The following AKT3 variants were observed in gnomAD, a reference collection of about 807,000 sequenced individuals.
The protein encoded by AKT3 is RAC-gamma serine/threonine-protein kinase.
A neutral mutation model predicts 65.3 loss-of-function variants in AKT3; 15 were observed. That is an observed-to-expected ratio of 0.23 (90% confidence interval 0.15 to 0.35). AKT3 has a LOEUF of 0.35. AKT3 is among the 10% of genes least tolerant of loss of function. AKT3 has a pLI of 1.00. For missense variants in AKT3, 243 were observed against 576.5 expected, an observed-to-expected ratio of 0.42 and a Z score of 5.92; for synonymous variants, 206 against 183.8, an observed-to-expected ratio of 1.12 and a Z score of -0.98.
chr1:243,839,255 T>C (rs1695085160), intron 2 of AKT3, among the ~76,000 whole-genome samples: 2 of 152,164 alleles, frequency 1.3e-5, no homozygotes, highest in African/African-American at 4.8e-5. Flanking sequence ...TACCACTAGC[T>C]ATAAGGGAAA....
chr1:243,676,041 A>T (rs1046731318), intron 3 of AKT3, among the ~76,000 whole-genome samples: 2 of 152,232 alleles, frequency 1.3e-5, no homozygotes, highest in African/African-American at 4.8e-5. Context: ...CATAAAGCTT[A>T]TATTTTACTG....
chr1:243,733,243 T>C (rs1687659934), intron 2 of AKT3, among the ~76,000 whole-genome samples: 2 of 152,222 alleles, frequency 1.3e-5, no homozygotes. Flanking sequence ...ATTCAAATAC[T>C]TCTATTTTAA....
At chr1:243,631,733 C>A (rs750568894) in intron 6 of AKT3, among the ~76,000 whole-genome samples, 1 of 152,228 alleles carries the variant, frequency 6.6e-6, no homozygotes, top group Admixed American at 6.5e-5. Context: ...CAACCTGCCA[C>A]TGCTTTATCA....
chr1:243,730,477 C>T (rs577131798), intron 2 of AKT3, among the ~76,000 whole-genome samples: 1 of 152,346 alleles, frequency 6.6e-6, no homozygotes, highest in East Asian at 1.9e-4. Context: ...TGGTGACATG[C>T]TCCCATTTGC....
At chr1:243,557,854 T>G (rs563605451) in intron 10 of AKT3, among the ~76,000 whole-genome samples, 2 of 152,082 alleles carry the variant, frequency 1.3e-5, no homozygotes, top group South Asian at 4.2e-4. Flanking sequence ...TATCAATAAG[T>G]AAATAAAATG....
rs189417920 is a variant in AKT3 at position 243,564,314 on chromosome 1, C to G, written c.820-466G>C. 4.1e-3 allele frequency among the ~76,000 whole-genome samples: 630 copies of G among 152,214 alleles called. 1 individual carries two copies. The highest frequency in any genetic ancestry group is 5.6e-3 in the Non-Finnish European group (384 of 67,990). ...ATGTTTTTTGGTGGTGCTTGTAAAT[C>G]AAACCTAAATCTTATTTTGTAAGGT... is the stretch of plus-strand genomic sequence containing the variant. On this transcript the variant is annotated intron_variant, in intron 9 of 13. Coordinates refer to ENST00000673466, the MANE Select transcript of AKT3 (RefSeq NM_005465.7).
At chr1:243,566,696 T>C (rs1470475822) in intron 9 of AKT3, among the ~76,000 whole-genome samples, 6 of 152,164 alleles carry the variant, frequency 3.9e-5, no homozygotes, top group African/African-American at 1.2e-4. Context: ...TTCAATTTCA[T>C]CTATAAAACA....
intron 6 of AKT3, among the ~76,000 whole-genome samples, chr1:243,626,564 C>G (rs1158063622): frequency 1.3e-5 from 2 of 152,106 alleles, no homozygotes; most frequent in Non-Finnish European, 2.9e-5. Flanking sequence ...GACACAGAAC[C>G]AGGGCTTTCT....
intron 5 of AKT3, among the ~76,000 whole-genome samples, chr1:243,643,983 T>C (rs1367579927): frequency 3.9e-5 from 6 of 152,238 alleles, no homozygotes; most frequent in Non-Finnish European, 7.3e-5. Flanking sequence ...AGGACCGTTA[T>C]GGAGTTAGTA....
At chr1:243,546,159 G>T (rs1026508624) in intron 11 of AKT3, among the ~76,000 whole-genome samples, 1 of 152,156 alleles carries the variant, frequency 6.6e-6, no homozygotes, top group Non-Finnish European at 1.5e-5. Context: ...CCCTGCACAT[G>T]CCCTTGCCTG....
At chr1:243,789,248 C>T (rs1691466226) in intron 2 of AKT3, among the ~76,000 whole-genome samples, 1 of 152,124 alleles carries the variant, frequency 6.6e-6, no homozygotes, top group South Asian at 2.1e-4. Flanking sequence ...TAGCCAGGCA[C>T]AGTGGTGTGT....
intron 2 of AKT3, among the ~76,000 whole-genome samples, chr1:243,809,015 A>G (rs1692941049): frequency 6.6e-6 from 1 of 152,214 alleles, no homozygotes; most frequent in Admixed American, 6.5e-5. Context: ...CTGCCCTAAA[A>G]GAGCTCCTGA....
chr1:243,581,458 C>T (rs1241520317), intron 8 of AKT3, among the ~76,000 whole-genome samples: 1 of 151,948 alleles, frequency 6.6e-6, no homozygotes, highest in Non-Finnish European at 1.5e-5. Context: ...CCAAAAGCAG[C>T]ACAGAGGACT....
chr1:243,815,426 C>G (rs1693449184), intron 2 of AKT3, among the ~76,000 whole-genome samples: 2 of 152,126 alleles, frequency 1.3e-5, no homozygotes, highest in Admixed American at 6.5e-5. Context: ...TTCCTTTAAG[C>G]CCTCGAGCAA....
intron 3 of AKT3, among the ~76,000 whole-genome samples, chr1:243,682,906 T>A (rs1684022147): frequency 6.6e-6 from 1 of 152,218 alleles, no homozygotes; most frequent in African/African-American, 2.4e-5. Flanking sequence ...CTCTTTTTCC[T>A]AAATTGTAAC....
chr1:243,650,669 TC>T (rs1388802757), intron 4 of AKT3, among the ~76,000 whole-genome samples: 2 of 152,280 alleles, frequency 1.3e-5, no homozygotes, highest in African/African-American at 4.8e-5. Context: ...GGGGATCCTT[TC>T]CCCATTGCTT....
At chr1:243,651,207 T>C (rs1473534993) in intron 4 of AKT3, among the ~76,000 whole-genome samples, 1 of 152,068 alleles carries the variant, frequency 6.6e-6, no homozygotes, top group Non-Finnish European at 1.5e-5. Context: ...TTATTATTGG[T>C]GTATAGGAAT....
rs35345655 is a variant in AKT3 at position 243,553,179 on chromosome 1, C to CA, written c.949-237dup. ...TGTACAAAAAAAGGGGCAGGTCGTACAAAAAAAAAAAAATCCCAAGTACAT... is the reference window on the plus strand; with the variant it reads ...TGTACAAAAAAAGGGGCAGGTCGTACAAAAAAAAAAAAAATCCCAAGTACAT... On this transcript the variant is annotated intron_variant, in intron 10 of 13. Transcript: ENST00000673466. Among the ~76,000 whole-genome samples, 954 of 118,568 alleles carry CA rather than the reference C, an allele frequency of 8.0e-3. 5 individuals are homozygous for CA. The highest frequency in any genetic ancestry group is 0.011 in the Non-Finnish European group (594 of 54,568). The allele number at this position is 118,568 out of a possible 152,430, so 77.8% of individuals were successfully genotyped here. A position where few individuals can be genotyped will look rare whatever the true frequency, so the allele number is the denominator to read the frequency against.
chr1:243,784,299 G>C (rs1011932234), intron 2 of AKT3, among the ~76,000 whole-genome samples: 6 of 151,914 alleles, frequency 3.9e-5, no homozygotes, highest in Non-Finnish European at 5.9e-5. Context: ...AAAGATGAAA[G>C]TGCCTAGACT....
Sources: allele counts gnomAD v4.1 joint callset (sites outside exome capture counted in the v4.1 genomes callset), GRCh38; gene constraint gnomAD v4.1.1; transcripts MANE v1.5; gene names NCBI Gene and HGNC (gene_info 2026-07-23, HGNC 2026-07-21).